SLC35D4: variants seen among roughly 807,000 people sequenced by gnomAD.
SLC35D4 encodes UDP-N-acetylglucosamine transporter SLC35D4.
At chr18:23,362,435 C>T in the SLC35D4 span, among the ~76,000 whole-genome samples, 1 of 152,018 alleles carries the variant, frequency 6.6e-6, no homozygotes, top group African/African-American at 2.4e-5. Flanking sequence ...CCTGTCACTA[C>T]TAAAAATACA....
At chr18:23,379,092 C>T in the SLC35D4 span, among the ~76,000 whole-genome samples, 1 of 151,998 alleles carries the variant, frequency 6.6e-6, no homozygotes. Context: ...TGCGTAACTG[C>T]CCCCGGTATG....
At chr18:23,305,049 A>T in the SLC35D4 span, among the ~76,000 whole-genome samples, 1 of 152,232 alleles carries the variant, frequency 6.6e-6, no homozygotes, top group Non-Finnish European at 1.5e-5. Flanking sequence ...TGGTTTCCAC[A>T]TACTGTGCAT....
At chr18:23,280,858 T>G in the SLC35D4 span, among the ~76,000 whole-genome samples, 3,820 of 152,202 alleles carry the variant, frequency 0.025, 59 homozygotes, top group Middle Eastern at 0.054. Flanking sequence ...CCGTCTCCTC[T>G]TCTGGAGCTC....
the SLC35D4 span, among the ~76,000 whole-genome samples, chr18:23,415,051 A>G: frequency 6.6e-6 from 1 of 152,176 alleles, no homozygotes; most frequent in Non-Finnish European, 1.5e-5. Flanking sequence ...GTTGCAGGCT[A>G]CAGTAAGCCA....
chr18:23,375,062 C>T, the SLC35D4 span, among the ~76,000 whole-genome samples: 1 of 151,498 alleles, frequency 6.6e-6, no homozygotes, highest in African/African-American at 2.4e-5. Flanking sequence ...TTTCAGTGAG[C>T]CAAGATGGCA....
At chr18:23,253,290 C>G in the SLC35D4 span, among the ~76,000 whole-genome samples, 1 of 152,176 alleles carries the variant, frequency 6.6e-6, no homozygotes, top group Non-Finnish European at 1.5e-5. Context: ...TGAGACCAGC[C>G]TGGCCCACAT....
At chr18:23,361,103 C>CAAAAAAAAAAAAAAAAAAAAAAAAAAAAA in the SLC35D4 span, among the ~76,000 whole-genome samples, 21 of 94,108 alleles carry the variant, frequency 2.2e-4, no homozygotes, top group Middle Eastern at 9.8e-3. Flanking sequence ...GACTTTGTCT[C>CAAAAAAAAAAAAAAAAAAAAAAAAAAAAA]AAAAAAAAAA....
the SLC35D4 span, among the ~76,000 whole-genome samples, chr18:23,240,156 A>AG: frequency 1.4e-4 from 21 of 152,266 alleles, no homozygotes; most frequent in South Asian, 4.1e-3. Flanking sequence ...AAATGATGGA[A>AG]GGGTTGGACG....
At chr18:23,250,243 T>C in the SLC35D4 span, among the ~76,000 whole-genome samples, 47 of 152,196 alleles carry the variant, frequency 3.1e-4, no homozygotes, top group Non-Finnish European at 4.6e-4. Flanking sequence ...GGCAGATGAC[T>C]TTACTTGAGC....
chr18:23,252,256 A>T, the SLC35D4 span, among the ~76,000 whole-genome samples: 1 of 152,188 alleles, frequency 6.6e-6, no homozygotes, highest in Non-Finnish European at 1.5e-5. Context: ...GAGTGTTTCA[A>T]TTGGGAAGAT....
chr18:23,431,083 G>A, the SLC35D4 span, among the ~76,000 whole-genome samples: 1 of 141,056 alleles, frequency 7.1e-6, no homozygotes, highest in Admixed American at 7.9e-5. Flanking sequence ...GAACCTAGGA[G>A]GCAGAGGTTG....
At chr18:23,289,368 C>T in the SLC35D4 span, among the ~76,000 whole-genome samples, 6 of 152,170 alleles carry the variant, frequency 3.9e-5, no homozygotes, top group Admixed American at 6.5e-5. Context: ...TCTCTTATTC[C>T]GTTTAGTTTT....
chr18:23,281,383 CACAA>C, the SLC35D4 span, among the ~76,000 whole-genome samples: 1 of 152,138 alleles, frequency 6.6e-6, no homozygotes, highest in African/African-American at 2.4e-5. Flanking sequence ...AGTGCAGTGG[CACAA>C]ACAGAGCTCA....
At chr18:23,408,172 CA>C in the SLC35D4 span, among the ~76,000 whole-genome samples, 26,162 of 151,862 alleles carry the variant, frequency 0.17, 3,235 homozygotes, top group East Asian at 0.32. Context: ...CACACACACA[CA>C]CACACACCCC....
the SLC35D4 span, among the ~76,000 whole-genome samples, chr18:23,308,876 C>CTGTGTG: frequency 2.8e-4 from 39 of 140,104 alleles, no homozygotes; most frequent in Admixed American, 4.4e-4. Flanking sequence ...CTCTCTCTCT[C>CTGTGTG]TGTGTGTGTG....
the SLC35D4 span, among the ~76,000 whole-genome samples, chr18:23,246,331 T>C: frequency 1.3e-5 from 2 of 151,912 alleles, no homozygotes; most frequent in Non-Finnish European, 2.9e-5. Context: ...GCTGCTTGTT[T>C]AATTAGCACT....
the SLC35D4 span, among the ~76,000 whole-genome samples, chr18:23,379,048 A>C: frequency 3.3e-5 from 5 of 152,184 alleles, no homozygotes; most frequent in Non-Finnish European, 7.3e-5. Flanking sequence ...TCAAGAGCTG[A>C]AAGGAGGAGG....
At chr18:23,372,931 C>T in the SLC35D4 span, among the ~76,000 whole-genome samples, 1 of 150,920 alleles carries the variant, frequency 6.6e-6, no homozygotes, top group East Asian at 1.9e-4. Context: ...GAAAGGAAAC[C>T]CAGAAATGAG....
chr18:23,248,055 A>G, the SLC35D4 span, among the ~76,000 whole-genome samples: 2 of 152,344 alleles, frequency 1.3e-5, no homozygotes, highest in Admixed American at 6.5e-5. Flanking sequence ...TAAAAAAGAC[A>G]GAGCCTCTCC....
Sources: gnomAD v4.1 joint callset for allele counts (sites outside exome capture counted in the v4.1 genomes callset) on GRCh38, gnomAD v4.1.1 for gene constraint, MANE v1.5 for transcripts, NCBI Gene and HGNC (gene_info 2026-07-23, HGNC 2026-07-21) for gene names.